PCCA: variants seen among roughly 807,000 people sequenced by gnomAD.
PCCA encodes the protein propionyl-CoA carboxylase alpha chain, mitochondrial.
Under a neutral mutation model 101.3 loss-of-function variants are expected in PCCA, and 74 were observed. The ratio of observed to expected loss-of-function variants is 0.73; its 90% CI spans 0.61 to 0.89. The LOEUF is 0.89. PCCA is among the 40% of genes least tolerant of loss of function. PCCA has a pLI of 0.00. For missense variants in PCCA, 891 were observed against 907.0 expected, an observed-to-expected ratio of 0.98 and a Z score of 0.23; for synonymous variants, 294 against 313.6, an observed-to-expected ratio of 0.94 and a Z score of 0.66.
intron 21 of PCCA, chr13:100,491,636 T>C: frequency 7.7e-7 from 1 of 1,303,658 alleles, no homozygotes; most frequent in Admixed American, 2.3e-5. Flanking sequence ...GCACTCTTAA[T>C]AACTTTTTTG....
intron 12 of PCCA, among the ~76,000 whole-genome samples, chr13:100,283,878 A>G (rs2064344794): frequency 2.0e-5 from 3 of 152,212 alleles, no homozygotes; most frequent in Non-Finnish European, 2.9e-5. Flanking sequence ...CGCCTCGTCC[A>G]TGTCCACTAT....
At chr13:100,294,074 A>G (rs1238168297) in intron 12 of PCCA, among the ~76,000 whole-genome samples, 2 of 152,182 alleles carry the variant, frequency 1.3e-5, no homozygotes, top group Non-Finnish European at 2.9e-5. Context: ...TCCAAAATCC[A>G]GGGGCCAACA....
chr13:100,150,944 A>C, intron 4 of PCCA: 2 of 1,527,920 alleles, frequency 1.3e-6, no homozygotes, highest in Non-Finnish European at 1.8e-6. Context: ...CTCGCAGCCC[A>C]GTCAGCGCGC....
chr13:100,252,169 T>G (rs2061797528), intron 8 of PCCA, among the ~76,000 whole-genome samples: 1 of 152,222 alleles, frequency 6.6e-6, no homozygotes, highest in Non-Finnish European at 1.5e-5. Flanking sequence ...TCTTCTGAGG[T>G]CCTATTACCC....
chr13:100,247,110 G>A (rs372951391), intron 8 of PCCA, among the ~76,000 whole-genome samples: 33 of 151,578 alleles, frequency 2.2e-4, no homozygotes, highest in African/African-American at 8.0e-4. Context: ...GTTTCACCAT[G>A]TTGGCCAGGC....
intron 12 of PCCA, among the ~76,000 whole-genome samples, chr13:100,289,589 T>C (rs1181013007): frequency 6.6e-6 from 1 of 152,058 alleles, no homozygotes; most frequent in Non-Finnish European, 1.5e-5. Flanking sequence ...TGTTTTTCCT[T>C]TTCTGTTTGT....
intron 6 of PCCA, among the ~76,000 whole-genome samples, chr13:100,183,096 A>G (rs1428391147): frequency 1.3e-5 from 2 of 152,092 alleles, no homozygotes; most frequent in African/African-American, 4.8e-5. Context: ...GCTGAAGAGA[A>G]GATTGTCAAA....
At chr13:100,211,248 C>T (rs1216763686) in intron 7 of PCCA, among the ~76,000 whole-genome samples, 2 of 152,218 alleles carry the variant, frequency 1.3e-5, no homozygotes, top group East Asian at 1.9e-4. Context: ...ACCCCTATCA[C>T]TCTACAGCTA....
intron 6 of PCCA, among the ~76,000 whole-genome samples, chr13:100,180,951 A>G (rs1402078257): frequency 6.6e-6 from 1 of 152,220 alleles, no homozygotes; most frequent in Non-Finnish European, 1.5e-5. Context: ...CCACTGAAAC[A>G]TGATGAAAGG....
chr13:100,495,602 T>C (rs549065063), intron 21 of PCCA, among the ~76,000 whole-genome samples: 11 of 152,328 alleles, frequency 7.2e-5, no homozygotes, highest in Admixed American at 3.3e-4. Context: ...AAATACCTTT[T>C]CCTGCTCTGC....
chr13:100,415,097 G>T (rs1312254550), intron 19 of PCCA, among the ~76,000 whole-genome samples: 2 of 151,916 alleles, frequency 1.3e-5, no homozygotes, highest in Non-Finnish European at 2.9e-5. Flanking sequence ...ATTATTTCTA[G>T]GATTCTTTCT....
chr13:100,309,055 T>A (rs1438808406), intron 15 of PCCA, among the ~76,000 whole-genome samples: 1 of 152,238 alleles, frequency 6.6e-6, no homozygotes, highest in African/African-American at 2.4e-5. Flanking sequence ...GTCGTCTTCT[T>A]TCTTTATACT....
chr13:100,464,172 G>A (rs2082351375), intron 21 of PCCA, among the ~76,000 whole-genome samples: 1 of 152,162 alleles, frequency 6.6e-6, no homozygotes, highest in Non-Finnish European at 1.5e-5. Flanking sequence ...TACAAGTTAT[G>A]TGTTCACAGG....
intron 15 of PCCA, among the ~76,000 whole-genome samples, chr13:100,308,388 G>T (rs747469041): frequency 7.9e-5 from 12 of 152,040 alleles, no homozygotes; most frequent in Non-Finnish European, 1.5e-4. Context: ...GCAGTATCAT[G>T]ATCTTGGCTC....
chr13:100,527,848 G>A (rs2153008489), intron 23 of PCCA, 96 bp downstream of exon 23: 1 of 908,452 alleles, frequency 1.1e-6, no homozygotes, highest in Non-Finnish European at 1.8e-6. Context: ...GGGCCACAGA[G>A]GCGCCCTCTC....
At chr13:100,142,348 C>T (rs9585363) in intron 4 of PCCA, among the ~76,000 whole-genome samples, 24,548 of 152,108 alleles carry the variant, frequency 0.16, 2,086 homozygotes, top group Middle Eastern at 0.22. Context: ...TCAGTTTTTC[C>T]TTGCCTATTG....
chr13:100,108,929 A>G (rs1298727509), intron 2 of PCCA, among the ~76,000 whole-genome samples: 1 of 152,192 alleles, frequency 6.6e-6, no homozygotes, highest in Non-Finnish European at 1.5e-5. Flanking sequence ...AGAAAATTTT[A>G]TGTATGGAAG....
intron 18 of PCCA, among the ~76,000 whole-genome samples, chr13:100,358,522 A>G (rs982846204): frequency 1.3e-5 from 2 of 152,186 alleles, no homozygotes; most frequent in Non-Finnish European, 2.9e-5. Flanking sequence ...AAAACACACT[A>G]CTAAGTGGAA....
intron 8 of PCCA, among the ~76,000 whole-genome samples, chr13:100,255,802 CAA>C (rs1306232236): frequency 6.6e-6 from 1 of 152,150 alleles, no homozygotes; most frequent in Non-Finnish European, 1.5e-5. Flanking sequence ...CTTGCAGAAT[CAA>C]GAATCAAAGC....
Sources: gnomAD v4.1 joint callset for allele counts (sites outside exome capture counted in the v4.1 genomes callset) on GRCh38, gnomAD v4.1.1 for gene constraint, MANE v1.5 for transcripts, NCBI Gene and HGNC (gene_info 2026-07-23, HGNC 2026-07-21) for gene names.